Variants in CELF6 observed in about 807,000 individuals in gnomAD.
CELF6 encodes Bruno -like 6, RNA binding protein.
In CELF6, 32 loss-of-function variants were observed where a neutral mutation model predicts 53.1. That is an observed-to-expected ratio of 0.60 (90% CI 0.46 to 0.81). The LOEUF (loss-of-function observed/expected upper bound fraction) is 0.81. Ranked by LOEUF, CELF6 falls within the 30% of genes least tolerant of loss-of-function variation. The pLI is 0.00. For missense variants in CELF6, 539 were observed against 669.5 expected, an observed-to-expected ratio of 0.81 and a Z score of 2.15; for synonymous variants, 291 against 288.8, an observed-to-expected ratio of 1.01 and a Z score of -0.08.
At chr15:72,300,056 A>G (rs775653591) in intron 3 of CELF6, among the ~76,000 whole-genome samples, 9 of 152,208 alleles carry the variant, frequency 5.9e-5, no homozygotes, top group Non-Finnish European at 7.3e-5. Flanking sequence ...AATAACTATT[A>G]AAAGTAATAC....
At chr15:72,317,080 G>A (rs2088372411) in intron 1 of CELF6, among the ~76,000 whole-genome samples, 1 of 152,226 alleles carries the variant, frequency 6.6e-6, no homozygotes, top group African/African-American at 2.4e-5. Flanking sequence ...ATAGGTTAGT[G>A]TGGCTGGAGG....
In CELF6 at chr15:72,304,652, G is replaced by T. The variant is rs953886838; in HGVS notation, c.394+94C>A. 1.4e-5 allele frequency: 16 copies of T among 1,110,534 alleles called. No individual in the cohort carries two copies. In the African/African-American group the frequency reaches 1.7e-4, roughly 12 times the overall value. 68.8% of individuals were successfully genotyped at this position (1,110,534 alleles called of 1,614,324 possible). On this transcript the variant is annotated intron_variant, in intron 3 of 12. Coordinates refer to ENST00000287202, the MANE Select transcript of CELF6 (RefSeq NM_052840.5). ...CCACCTGTCCCCTTGACCCAGGGAGGCTCTCATACTAAATGGGTAGGACAG... is the reference window on the plus strand; with the variant it reads ...CCACCTGTCCCCTTGACCCAGGGAGTCTCTCATACTAAATGGGTAGGACAG...
intron 2 of CELF6, among the ~76,000 whole-genome samples, chr15:72,314,905 G>A (rs1224601665): frequency 1.3e-5 from 2 of 152,090 alleles, no homozygotes; most frequent in African/African-American, 4.8e-5. Context: ...TCAAAAACCA[G>A]TATTTTTAAT....
rs2087912762 is a variant in CELF6 at position 72,285,702 on chromosome 15, T to C, written c.*669A>G. The C allele has an allele frequency of 6.6e-6, 1 of 152,518 alleles. No homozygotes were observed. The highest frequency in any genetic ancestry group is 2.1e-4 in the South Asian group (1 of 4,834). The allele number at this position is 152,518 out of a possible 1,614,324, so 9.4% of individuals were successfully genotyped here. On this transcript the variant is annotated 3_prime_UTR_variant, in exon 13 of 13. Transcript: ENST00000287202. ...GCACTCTGAGTTTGGGGATTGTGGA[T>C]TGTGGGTTCACTGCTTCCATAACGT...
In CELF6 at chr15:72,289,997, C is replaced by T. The variant is rs1451322084; in HGVS notation, c.545G>A (p.Gly182Glu). The change falls in exon 5 of 13, where the codon GGG (glycine) becomes GAG (glutamate). Residue 182 changes from glycine (G) to glutamate (E), a missense_variant. Physicochemically the swap from Gly to Glu is moderately conservative, Grantham distance 98. Transcript: ENST00000287202. This position sits in a 1 kb window ranked among gnomAD's most constrained non-coding sequence, Gnocchi z 7.6. ...GGCCGCCTGAGCTTCCCCTTGACTC[C>T]CGAACTTCACAAAGGCACAGCCTGG... Reference protein sequence around the residue: ...TSKGCAFVKFGSQGEAQAAIR... With the variant: ...TSKGCAFVKFESQGEAQAAIR... The T allele has an allele frequency of 6.2e-7, 1 of 1,602,290 alleles. No individual in the cohort carries two copies. Among genetic ancestry groups the T allele is most frequent in the Non-Finnish European group, 8.5e-7 (1 of 1,174,746 alleles).
In CELF6 at chr15:72,290,132, C is replaced by A. The variant is rs773039652; in HGVS notation, c.518G>T (p.Ser173Ile). The A allele has an allele frequency of 6.2e-7, 1 of 1,613,926 alleles. No individual in the cohort carries two copies. The highest frequency in any genetic ancestry group is 1.1e-5 in the South Asian group (1 of 91,070). The change falls in exon 4 of 13, where the codon AGT becomes ATT. Residue 173 changes from serine to isoleucine, a missense_variant. Around this residue, in one of 3 missense-constraint regions of CELF6, gnomAD observed 97 missense variants for 168.8 expected, o/e 0.57. Coordinates refer to ENST00000287202, the MANE Select transcript of CELF6 (RefSeq NM_052840.5). ...CTVLRSPDGT[S>I]KGCAFVKFGS... is the part of the protein sequence containing the mutation. The stretch of plus-strand genomic sequence containing the variant: ...CCGGGGTCAGCTCAGGTCACCTTTA[C>A]TGGTGCCGTCAGGACTCCGCAGGAC...
chr15:72,315,991 C>T, intron 1 of CELF6, 64 bp from the exon 2 acceptor site: 1 of 1,131,458 alleles, frequency 8.8e-7, no homozygotes, highest in Non-Finnish European at 1.3e-6. Context: ...CTTCGAAATA[C>T]CCCACTAAGT....
chr15:72,300,257 G>A (rs1480331585), intron 3 of CELF6, among the ~76,000 whole-genome samples: 3 of 151,570 alleles, frequency 2.0e-5, no homozygotes, highest in Non-Finnish European at 2.9e-5. Flanking sequence ...GCTACTCAGG[G>A]GGCTGAGGCA....
chr15:72,314,012 T>C (rs1464303684), intron 2 of CELF6, among the ~76,000 whole-genome samples: 1 of 152,198 alleles, frequency 6.6e-6, no homozygotes, highest in Non-Finnish European at 1.5e-5. Flanking sequence ...GTCACAAAGC[T>C]AGTGAGTGGT....
At chr15:72,318,861 C>T (rs1482919471) in intron 1 of CELF6, among the ~76,000 whole-genome samples, 1 of 152,028 alleles carries the variant, frequency 6.6e-6, no homozygotes, top group Non-Finnish European at 1.5e-5. Context: ...GAGAGAAATC[C>T]AAGAAGAAAG....
Position 72,290,211 on chromosome 15 carries a change from C to T in CELF6, c.439G>A (p.Glu147Lys). The change falls in exon 4 of 13, where the codon GAG (glutamate) becomes AAG (lysine). Residue 147 changes from glutamate to lysine, a missense_variant. Physicochemically the swap from Glu to Lys is moderately conservative, Grantham distance 56. Around this residue, in one of 3 missense-constraint regions of CELF6, gnomAD observed 97 missense variants for 168.8 expected, o/e 0.57. Transcript: ENST00000287202. ...TGGAACAGGCGTCTGACGTCCTCCT[C>T]ACCCTGCTGCTTGCCCAGCATCCCC... ...FVGMLGKQQG[E>K]EDVRRLFQPF... 6.2e-7 allele frequency: 1 copy of T among 1,613,880 alleles called. No individual in the cohort carries two copies. The highest frequency in any genetic ancestry group is 8.5e-7 in the Non-Finnish European group (1 of 1,179,932).
chr15:72,319,570 T>C lies in CELF6; in HGVS notation c.262+43A>G, dbSNP rs1186705525. ...GCTGGGCTGGGGTCGGGCCACACTC[T>C]AATCGGATTGGGGCTGGGCTGGGCT... On this transcript the variant is annotated intron_variant, in intron 1 of 12. Coordinates refer to ENST00000287202, the MANE Select transcript of CELF6 (RefSeq NM_052840.5). The surrounding 1 kb of genome is among the most constrained non-coding windows in gnomAD (Gnocchi z 5.0). 2.7e-6 allele frequency: 4 copies of C among 1,495,274 alleles called. No individual in the cohort carries two copies. In the Admixed American group the frequency reaches 8.2e-5, roughly 31 times the overall value. The allele number at this position is 1,495,274 out of a possible 1,614,324, so 92.6% of individuals were successfully genotyped here. A position where few individuals can be genotyped will look rare whatever the true frequency, so the allele number is the denominator to read the frequency against.
In CELF6 at chr15:72,287,277, G is replaced by A. The variant is rs773764325; in HGVS notation, c.1434C>T (p.Asn478=). ...KVQLKRPKDA[N]RPY is the part of the protein sequence containing the mutation. ...CAGTGAAAGCAGGTCAGTAAGGCCGGTTGGCATCCTTGGGCCGCTTTAGCT... is the reference window on the plus strand; with the variant it reads ...CAGTGAAAGCAGGTCAGTAAGGCCGATTGGCATCCTTGGGCCGCTTTAGCT... Residue 478 remains asparagine (N), a synonymous_variant, in exon 12 of 13, where the codon AAC becomes AAT. Transcript: ENST00000287202. 12 of 1,613,992 alleles carry A rather than the reference G, an allele frequency of 7.4e-6. No homozygotes were observed. The highest frequency in any genetic ancestry group is 9.3e-6 in the Non-Finnish European group (11 of 1,179,978).
intron 1 of CELF6, among the ~76,000 whole-genome samples, chr15:72,318,497 A>G (rs896784277): frequency 6.6e-6 from 1 of 152,110 alleles, no homozygotes; most frequent in African/African-American, 2.4e-5. Flanking sequence ...GGGGGAGGAG[A>G]TAAGAGTGTT....
At chr15:72,293,665 G>A (rs779544759) in intron 3 of CELF6, among the ~76,000 whole-genome samples, 1 of 151,312 alleles carries the variant, frequency 6.6e-6, no homozygotes. Context: ...GTTGGCAACC[G>A]ATGTATACTT....
rs1325375391 is a variant in CELF6 at position 72,288,835 on chromosome 15, A to G, written c.1093+33T>C. ...CCCTATTTCTTTCTAGGGCCCTTCA[A>G]CCTCCCCCAGGCCGCGTAGCGCCAA... On this transcript the variant is annotated intron_variant, in intron 9 of 12. Coordinates refer to ENST00000287202, the MANE Select transcript of CELF6 (RefSeq NM_052840.5). This position sits in a 1 kb window ranked among gnomAD's most constrained non-coding sequence, Gnocchi z 4.6. The G allele has an allele frequency of 1.9e-6, 3 of 1,543,496 alleles. No homozygotes were observed. The highest frequency in any genetic ancestry group is 2.4e-5 in the East Asian group (1 of 40,878).
intron 3 of CELF6, among the ~76,000 whole-genome samples, chr15:72,293,664 C>T (rs954619300): frequency 1.2e-4 from 18 of 151,068 alleles, no homozygotes; most frequent in African/African-American, 2.7e-4. Flanking sequence ...TGTTGGCAAC[C>T]GATGTATACT....
intron 3 of CELF6, among the ~76,000 whole-genome samples, chr15:72,304,058 A>T (rs2088192681): frequency 6.6e-6 from 1 of 152,054 alleles, no homozygotes; most frequent in Non-Finnish European, 1.5e-5. Context: ...TGTAGTAGAG[A>T]CGAGGTTTCA....
intron 3 of CELF6, among the ~76,000 whole-genome samples, chr15:72,297,417 A>G (rs1205488858): frequency 6.6e-6 from 1 of 152,226 alleles, no homozygotes; most frequent in African/African-American, 2.4e-5. Context: ...TGTGCCTGGG[A>G]AAACAAGATC....
Sources: gnomAD v4.1 joint callset for allele counts (sites outside exome capture counted in the v4.1 genomes callset) on GRCh38, gnomAD v4.1.1 for gene constraint, gnomAD v4.1.1 regional missense constraint, Gnocchi (gnomAD v3.1) non-coding constraint, MANE v1.5 for transcripts, NCBI Gene and HGNC (gene_info 2026-07-23, HGNC 2026-07-21) for gene names.